The following SPDYE14 variants were observed in gnomAD, a reference collection of about 807,000 sequenced individuals.
SPDYE14 encodes the protein speedy protein E14.
At chr7:75,275,094 G>A in the SPDYE14 span, among the ~76,000 whole-genome samples, 1 of 63,268 alleles carries the variant, frequency 1.6e-5, no homozygotes, top group Admixed American at 2.0e-4. Flanking sequence ...GCCCCCTCCG[G>A]GAGGGAGGTG....
chr7:75,262,437 T>C, the SPDYE14 span, among the ~76,000 whole-genome samples: 1 of 50,202 alleles, frequency 2.0e-5, no homozygotes, highest in African/African-American at 5.4e-5. Context: ...TCTTGAACTC[T>C]TGGGCTCAAG....
the SPDYE14 span, among the ~76,000 whole-genome samples, chr7:75,241,695 A>T: frequency 0.095 from 1,472 of 15,546 alleles, 285 homozygotes; most frequent in African/African-American, 0.19. Context: ...ATATATATAT[A>T]TTTTTTTTTT....
chr7:75,274,261 T>TA, the SPDYE14 span, among the ~76,000 whole-genome samples: 1 of 11,074 alleles, frequency 9.0e-5, no homozygotes. Context: ...AAACAGGAGT[T>TA]AAACCAGTTG....
At chr7:75,257,575 GC>G in the SPDYE14 span, among the ~76,000 whole-genome samples, 1 of 53,680 alleles carries the variant, frequency 1.9e-5, no homozygotes, top group East Asian at 6.5e-4. Flanking sequence ...CCCCAGGGCT[GC>G]CCCAGGGCTG....
chr7:75,272,973 G>T, the SPDYE14 span, among the ~76,000 whole-genome samples: 9 of 57,538 alleles, frequency 1.6e-4, 4 homozygotes, highest in South Asian at 5.2e-3. Flanking sequence ...GGTAGGAGGT[G>T]ATTAAATCAC....
chr7:75,247,442 GAGAA>G, the SPDYE14 span, among the ~76,000 whole-genome samples: 26,785 of 68,086 alleles, frequency 0.39, 7,019 homozygotes, highest in East Asian at 0.88. Flanking sequence ...GAGAGAGAAA[GAGAA>G]AGAAAGAAAG....
At chr7:75,266,121 A>T in the SPDYE14 span, among the ~76,000 whole-genome samples, 2 of 40,182 alleles carry the variant, frequency 5.0e-5, no homozygotes, top group African/African-American at 8.7e-5. Flanking sequence ...GACTTGTATG[A>T]CTCTTTAGTT....
chr7:75,241,439 C>T, the SPDYE14 span, among the ~76,000 whole-genome samples: 162 of 604 alleles, frequency 0.27, 31 homozygotes, highest in Non-Finnish European at 0.37. Context: ...AGAGTGACAT[C>T]GTCTCTTCAA....
the SPDYE14 span, among the ~76,000 whole-genome samples, chr7:75,278,961 T>A: frequency 4.0e-3 from 373 of 92,212 alleles, 35 homozygotes; most frequent in Non-Finnish European, 6.3e-3. Context: ...AAAAAAAAAA[T>A]AGGGCTTAAA....
chr7:75,300,688 C>T, the SPDYE14 span, among the ~76,000 whole-genome samples: 1 of 5,602 alleles, frequency 1.8e-4, no homozygotes, highest in Non-Finnish European at 5.0e-4. Context: ...TGCAGTGGCA[C>T]GATCTTAGCT....
At chr7:75,276,578 CA>C in the SPDYE14 span, among the ~76,000 whole-genome samples, 3,284 of 10,238 alleles carry the variant, frequency 0.32, 679 homozygotes, top group Middle Eastern at 0.58. Flanking sequence ...GACTCTGTCT[CA>C]AAAAAAAAAA....
At chr7:75,273,616 A>G in the SPDYE14 span, among the ~76,000 whole-genome samples, 7 of 58,942 alleles carry the variant, frequency 1.2e-4, 3 homozygotes, top group Admixed American at 9.8e-4. Context: ...GCAGTGCCAG[A>G]ATGGACCAAG....
the SPDYE14 span, among the ~76,000 whole-genome samples, chr7:75,249,679 TC>T: frequency 1.6e-5 from 1 of 62,562 alleles, no homozygotes; most frequent in Non-Finnish European, 3.2e-5. Flanking sequence ...CCTCCCTCTC[TC>T]TCTTTTTTTT....
the SPDYE14 span, among the ~76,000 whole-genome samples, chr7:75,273,759 A>G: frequency 3.4e-5 from 2 of 58,340 alleles, 1 homozygote; most frequent in Non-Finnish European, 8.8e-5. Context: ...ATACCAACAC[A>G]TTGGGAGTTA....
the SPDYE14 span, among the ~76,000 whole-genome samples, chr7:75,276,650 A>G: frequency 6.1e-5 from 5 of 82,494 alleles, no homozygotes; most frequent in African/African-American, 1.8e-4. Flanking sequence ...TAATTGCAGC[A>G]CTTTGGGAGG....
the SPDYE14 span, among the ~76,000 whole-genome samples, chr7:75,257,266 T>TTGAA: frequency 8.9e-6 from 1 of 112,956 alleles, no homozygotes; most frequent in African/African-American, 3.4e-5. Context: ...GAAGTATCTG[T>TTGAA]TGAATGAATG....
the SPDYE14 span, among the ~76,000 whole-genome samples, chr7:75,278,195 C>T: frequency 5.1e-5 from 3 of 58,592 alleles, no homozygotes; most frequent in African/African-American, 8.2e-5. Flanking sequence ...GGACTTGGGA[C>T]GGAAAATGTT....
At chr7:75,275,116 C>A in the SPDYE14 span, among the ~76,000 whole-genome samples, 1 of 60,014 alleles carries the variant, frequency 1.7e-5, no homozygotes, top group African/African-American at 4.1e-5. Context: ...GGGGGTCAGC[C>A]CCCCTGCCCG....
the SPDYE14 span, among the ~76,000 whole-genome samples, chr7:75,278,942 C>CAAAAAA: frequency 2.4e-5 from 1 of 41,466 alleles, no homozygotes; most frequent in Non-Finnish European, 4.9e-5. Flanking sequence ...ACTCTGTTTC[C>CAAAAAA]AAAAAAAAAA....
Sources: allele counts gnomAD v4.1 joint callset (sites outside exome capture counted in the v4.1 genomes callset), GRCh38; gene constraint gnomAD v4.1.1; transcripts MANE v1.5; gene names NCBI Gene and HGNC (gene_info 2026-07-23, HGNC 2026-07-21).